Variants in PLCXD1 observed in about 807,000 individuals in gnomAD.
The protein encoded by PLCXD1 is PI-PLC X domain-containing protein 1.
PLCXD1 carries 45 observed loss-of-function variants against 37.8 expected under a neutral mutation model. The ratio of observed to expected loss-of-function variants is 1.19; its 90% CI spans 0.94 to 1.53. PLCXD1 has a LOEUF of 1.53. Among genes scored for constraint, PLCXD1 ranks in the 40% most tolerant of loss-of-function variants. PLCXD1 has a pLI of 0.00. For missense variants in PLCXD1, 539 were observed against 454.7 expected (o/e 1.19, Z -1.69); for synonymous variants, 246 against 206.9 (o/e 1.19, Z -1.62).
chrX:285,760 C>T (rs2069435703), intron 2 of PLCXD1, among the ~76,000 whole-genome samples: 2 of 152,178 alleles, frequency 1.3e-5, no homozygotes, highest in African/African-American at 2.4e-5. Context: ...CATACACATG[C>T]ACACAGATAC....
At chrX:288,663 T>C in intron 2 of PLCXD1, 70 bp from the exon 3 acceptor site, 11 of 1,547,700 alleles carry the variant, frequency 7.1e-6, no homozygotes, top group Non-Finnish European at 9.8e-6. Flanking sequence ...AGGCGGGCTG[T>C]GGAGCGACTC....
At chrX:281,235 G>C (rs1285044232), upstream of PLCXD1, 3 of 230,772 alleles carry the variant, frequency 1.3e-5, no homozygotes, top group Non-Finnish European at 2.6e-5. Flanking sequence ...CTCCCTCCTG[G>C]GGACCCGGAG....
At chrX:278,728 G>T (rs1345251342), upstream of PLCXD1, among the ~76,000 whole-genome samples, 2 of 114,536 alleles carry the variant, frequency 1.7e-5, no homozygotes, top group African/African-American at 3.2e-5. Context: ...GACAGAGCAA[G>T]ACTCCGTCTC....
intron 2 of PLCXD1, among the ~76,000 whole-genome samples, chrX:286,044 G>A (rs1430203794): frequency 6.6e-6 from 1 of 151,866 alleles, no homozygotes; most frequent in Non-Finnish European, 1.5e-5. Context: ...GAGTTATGGT[G>A]CCCCAGTGTG....
upstream of PLCXD1, among the ~76,000 whole-genome samples, chrX:277,106 G>C (rs2069171661): frequency 6.6e-6 from 1 of 152,154 alleles, no homozygotes; most frequent in Non-Finnish European, 1.5e-5. Flanking sequence ...GTGCCGTCCG[G>C]ACGAGATGGC....
At position 293,065 on chromosome X, in the gene PLCXD1, C is replaced by T. The variant is rs144732041; in HGVS notation, c.580C>T (p.Arg194Trp). The part of the protein sequence containing the change: ...EVPTLRQLWS[R>W]GQQVIVSYED... ...GCCGACACTGCGGCAGCTGTGGTCCCGGGGCCAACAGGTCATCGTCTCCTA... is the reference window on the plus strand; with the variant it reads ...GCCGACACTGCGGCAGCTGTGGTCCTGGGGCCAACAGGTCATCGTCTCCTA... The change falls in exon 6 of 7, where the codon CGG becomes TGG. Residue 194 changes from arginine to tryptophan, a missense_variant. Coordinates refer to ENST00000381657, the MANE Select transcript of PLCXD1 (RefSeq NM_018390.4). 1.7e-5 allele frequency: 27 copies of T among 1,610,470 alleles called. No individual in the cohort carries two copies. Among genetic ancestry groups the T allele is most frequent in the East Asian group, 1.3e-4 (6 of 44,866 alleles).
At chrX:296,613 A>G (rs1031853761) in intron 6 of PLCXD1, among the ~76,000 whole-genome samples, 2 of 152,114 alleles carry the variant, frequency 1.3e-5, no homozygotes, top group Non-Finnish European at 2.9e-5. Context: ...CCAAATTTGC[A>G]TTTCTAACTA....
At chrX:289,420 G>A (rs185229545) in intron 3 of PLCXD1, among the ~76,000 whole-genome samples, 57 of 151,840 alleles carry the variant, frequency 3.8e-4, no homozygotes, top group Admixed American at 7.2e-4. Context: ...AGCTAATGCC[G>A]TGAGCATCGC....
At chrX:287,172 TACAC>T (rs57997104) in intron 2 of PLCXD1, among the ~76,000 whole-genome samples, 17,053 of 150,296 alleles carry the variant, frequency 0.11, 1,555 homozygotes, top group African/African-American at 0.26. Context: ...AATATGTATA[TACAC>T]ACACACATTT....
intron 6 of PLCXD1, among the ~76,000 whole-genome samples, chrX:294,645 AAG>A (rs2069747436): frequency 6.6e-6 from 1 of 151,512 alleles, no homozygotes; most frequent in Admixed American, 6.6e-5. Context: ...CAAAACAAAA[AAG>A]AGAAAAATTA....
At chrX:278,833 G>T (rs192372477), upstream of PLCXD1, among the ~76,000 whole-genome samples, 3 of 151,994 alleles carry the variant, frequency 2.0e-5, no homozygotes, top group Non-Finnish European at 4.4e-5. Context: ...CTAGGTGGTC[G>T]GAGGACATCT....
Position 299,343 on chromosome X carries a change from C to G in PLCXD1, c.*8C>G, listed in dbSNP as rs374930772. On this transcript the variant is annotated 3_prime_UTR_variant, in exon 7 of 7. Coordinates refer to ENST00000381657, the MANE Select transcript of PLCXD1 (RefSeq NM_018390.4). ...AAGCTGCTGTGGTGCTGACGGGACC[C>G]TTCTGAAGTTCGGGACGCGGCGGCT... The G allele has an allele frequency of 2.7e-4, 436 of 1,597,760 alleles. No homozygotes were observed. Among genetic ancestry groups the G allele is most frequent in the Middle Eastern group, 6.6e-4 (4 of 6,020 alleles).
In PLCXD1 at chrX:292,985, C is replaced by T. The variant is rs138867240; in HGVS notation, c.550-50C>T. On this transcript the variant is annotated intron_variant, in intron 5 of 6. Coordinates refer to ENST00000381657, the MANE Select transcript of PLCXD1 (RefSeq NM_018390.4). Reference sequence around the variant, plus strand: ...TCCCAGCCCTCCGCTCTCCCAGGTGCCCCCGGCTCTCCTCTCTCCCCTGCA... The same window carrying T: ...TCCCAGCCCTCCGCTCTCCCAGGTGTCCCCGGCTCTCCTCTCTCCCCTGCA... The T allele has an allele frequency of 1.5e-3, 1,989 of 1,319,486 alleles. 20 individuals are homozygous for T. The African/African-American group carries it at 0.024, about 16-fold the overall frequency. 81.7% of individuals were successfully genotyped at this position (1,319,486 alleles called of 1,614,324 possible).
At chrX:279,074 A>G (rs916041981), upstream of PLCXD1, among the ~76,000 whole-genome samples, 18 of 152,270 alleles carry the variant, frequency 1.2e-4, no homozygotes, top group African/African-American at 4.1e-4. Context: ...AAATTACAGC[A>G]AAAGGTGGTT....
rs2069997827 is a variant in PLCXD1 at position 300,870 on chromosome X, A to C, written c.*1535A>C. 6.6e-6 allele frequency: 1 copy of C among 151,378 alleles called. No homozygotes were observed. The highest frequency in any genetic ancestry group is 2.4e-5 in the African/African-American group (1 of 41,126). The allele number at this position is 151,378 out of a possible 1,614,324, so 9.4% of individuals were successfully genotyped here. A position where few individuals can be genotyped will look rare whatever the true frequency, so the allele number is the denominator to read the frequency against. ...AGGCATGTGCCACCACACCCGACTA[A>C]TTTCATATATTTAGTAGAGACGGGG... is the stretch of plus-strand genomic sequence containing the variant. On this transcript the variant is annotated 3_prime_UTR_variant, in exon 7 of 7. Coordinates refer to ENST00000381657, the MANE Select transcript of PLCXD1 (RefSeq NM_018390.4).
rs1358101602 is a variant in PLCXD1 at position 291,716 on chromosome X, T to C, written c.549+62T>C. On this transcript the variant is annotated intron_variant, in intron 5 of 6. Coordinates refer to ENST00000381657, the MANE Select transcript of PLCXD1 (RefSeq NM_018390.4). ...GGCAGGGGCATCGTCAGCCTCAGAC[T>C]CCATTTGCTGTGCCCTGGGTGTGGG... is the stretch of plus-strand genomic sequence containing the variant. 3.2e-6 allele frequency: 5 copies of C among 1,556,730 alleles called. No homozygotes were observed. The Admixed American group carries it at 8.4e-5, about 26-fold the overall frequency.
At position 300,193 on chromosome X, in the gene PLCXD1, A is replaced by G. The variant is rs2069959709; in HGVS notation, c.*858A>G. ...AAGAACCACCATGGCAGCCCATAAT[A>G]TGTTTTCTTATTTCTGTATTCTCCT... On this transcript the variant is annotated 3_prime_UTR_variant, in exon 7 of 7. Coordinates refer to ENST00000381657, the MANE Select transcript of PLCXD1 (RefSeq NM_018390.4). The G allele has an allele frequency of 1.3e-5, 2 of 151,696 alleles. No homozygotes were observed. The highest frequency in any genetic ancestry group is 1.9e-4 in the East Asian group (1 of 5,154). The allele number at this position is 151,696 out of a possible 1,614,324, so 9.4% of individuals were successfully genotyped here. A position where few individuals can be genotyped will look rare whatever the true frequency, so the allele number is the denominator to read the frequency against.
chrX:290,621 A>C, intron 3 of PLCXD1, 27 bp from the exon 4 acceptor site: 1 of 1,612,774 alleles, frequency 6.2e-7, no homozygotes, highest in Non-Finnish European at 8.5e-7. Context: ...TCAGCCAGGC[A>C]GACATGACAG....
intron 3 of PLCXD1, among the ~76,000 whole-genome samples, chrX:289,515 TC>T (rs1228935347): frequency 9.1e-5 from 8 of 87,482 alleles, no homozygotes; most frequent in South Asian, 2.8e-4. Context: ...TCTTTCTTTT[TC>T]TTTTTTTTTT....
Sources: gnomAD v4.1 joint callset for allele counts (sites outside exome capture counted in the v4.1 genomes callset) on GRCh38, gnomAD v4.1.1 for gene constraint, MANE v1.5 for transcripts, NCBI Gene and HGNC (gene_info 2026-07-23, HGNC 2026-07-21) for gene names.